PIK3CB: variants seen among roughly 807,000 people sequenced by gnomAD.
PIK3CB encodes the protein phosphatidylinositol 4,5-bisphosphate 3-kinase catalytic subunit beta isoform.
A neutral mutation model predicts 136.8 loss-of-function variants in PIK3CB; 39 were observed. The ratio of observed to expected loss-of-function variants is 0.29; its 90% CI spans 0.22 to 0.37. PIK3CB has a LOEUF of 0.37. Among genes scored for constraint, PIK3CB ranks in the 10% least tolerant of loss-of-function variants. The pLI, the probability that PIK3CB is intolerant of heterozygous loss-of-function variation, is 1.00. For synonymous variants in PIK3CB, 428 were observed against 436.6 expected (o/e 0.98, Z 0.25); for missense variants, 868 against 1,275.4 (o/e 0.68, Z 4.87).
At chr3:138,815,711 T>C (rs1933296238) in intron 1 of PIK3CB, among the ~76,000 whole-genome samples, 1 of 152,180 alleles carries the variant, frequency 6.6e-6, no homozygotes, top group Admixed American at 6.6e-5. Context: ...CTCTAGAACA[T>C]ACAGTAGTAC....
chr3:138,746,020 G>A (rs184462349), intron 4 of PIK3CB, among the ~76,000 whole-genome samples: 1 of 152,242 alleles, frequency 6.6e-6, no homozygotes, highest in African/African-American at 2.4e-5. Context: ...GCCGAGGTGG[G>A]AGGATTCCTT....
chr3:138,684,927 G>T, intron 16 of PIK3CB, 124 bp from the exon 17 acceptor site: 1 of 566,070 alleles, frequency 1.8e-6, no homozygotes, highest in East Asian at 3.2e-5. Flanking sequence ...CACATAACCA[G>T]CTGAAGTAAA....
At chr3:138,703,446 T>C (rs1239650393) in intron 12 of PIK3CB, among the ~76,000 whole-genome samples, 1 of 152,054 alleles carries the variant, frequency 6.6e-6, no homozygotes, top group African/African-American at 2.4e-5. Flanking sequence ...CTAAATAGAC[T>C]TAAAAGTTGT....
chr3:138,763,742 T>C (rs1352812003), intron 2 of PIK3CB, among the ~76,000 whole-genome samples: 2 of 152,196 alleles, frequency 1.3e-5, no homozygotes, highest in Non-Finnish European at 2.9e-5. Flanking sequence ...ACTCCCATCC[T>C]ATAGCATCAA....
At chr3:138,813,533 T>A (rs577274077) in intron 1 of PIK3CB, among the ~76,000 whole-genome samples, 64 of 150,474 alleles carry the variant, frequency 4.3e-4, no homozygotes, top group Non-Finnish European at 7.1e-4. Context: ...TTCTCCTGCC[T>A]CAGCCTCCCG....
chr3:138,686,216 A>T (rs1421705341), intron 16 of PIK3CB, among the ~76,000 whole-genome samples: 2 of 151,980 alleles, frequency 1.3e-5, no homozygotes, highest in Non-Finnish European at 2.9e-5. Context: ...AAGTGGGCGG[A>T]TCACTTGAGG....
intron 1 of PIK3CB, among the ~76,000 whole-genome samples, chr3:138,811,889 G>A (rs1405130536): frequency 6.6e-6 from 1 of 151,956 alleles, no homozygotes; most frequent in Non-Finnish European, 1.5e-5. Context: ...AGGAGTTCAA[G>A]ACCAGCCTGG....
At chr3:138,831,645 G>A (rs1215007828) in intron 1 of PIK3CB, among the ~76,000 whole-genome samples, 4 of 136,952 alleles carry the variant, frequency 2.9e-5, no homozygotes, top group Non-Finnish European at 4.8e-5. Flanking sequence ...TATTTATTGG[G>A]GCCAGGCACA....
At chr3:138,737,486 A>C (rs1337390604) in intron 6 of PIK3CB, among the ~76,000 whole-genome samples, 3 of 151,036 alleles carry the variant, frequency 2.0e-5, no homozygotes, top group South Asian at 2.1e-4. Flanking sequence ...GCTAAAATAC[A>C]AACATAACTG....
At chr3:138,833,997 A>G (rs1934159257) in intron 1 of PIK3CB, among the ~76,000 whole-genome samples, 2 of 152,216 alleles carry the variant, frequency 1.3e-5, no homozygotes, top group Admixed American at 6.5e-5. Flanking sequence ...AAGCAACTCC[A>G]GTATCGGTTA....
In PIK3CB at chr3:138,714,731, C is replaced by A; in HGVS notation, c.1051-12G>T. 2 of 1,564,096 alleles carry A rather than the reference C, an allele frequency of 1.3e-6. No homozygotes were observed. The highest frequency in any genetic ancestry group is 2.1e-5 in the Admixed American group (1 of 48,062). On this transcript the variant is annotated splice_polypyrimidine_tract_variant and intron_variant, in intron 8 of 23. Coordinates refer to ENST00000674063, the MANE Select transcript of PIK3CB (RefSeq NM_006219.3). ...GCCCTGACATGAACCTGTAACGAAG[C>A]AGACAAAAACAAAAACAAAGTCATG... is the stretch of plus-strand genomic sequence containing the variant.
intron 2 of PIK3CB, among the ~76,000 whole-genome samples, chr3:138,769,799 G>A (rs2045778139): frequency 6.6e-6 from 1 of 152,084 alleles, no homozygotes; most frequent in Non-Finnish European, 1.5e-5. Context: ...TATTTTATAG[G>A]ACTACACAAA....
intron 2 of PIK3CB, among the ~76,000 whole-genome samples, chr3:138,779,578 A>G (rs973414881): frequency 6.6e-6 from 1 of 151,370 alleles, no homozygotes; most frequent in Non-Finnish European, 1.5e-5. Context: ...TTTTTGGTAG[A>G]CGTGGGGTTT....
chr3:138,789,047 G>A lies in PIK3CB; in HGVS notation c.-17+7416C>T, dbSNP rs141330593. Reference sequence around the variant, plus strand: ...TATAAAACCAAACCCAGGCAAGGCTGTGGAGAAACTGGAAATCTTGTGTAT... The same window carrying A: ...TATAAAACCAAACCCAGGCAAGGCTATGGAGAAACTGGAAATCTTGTGTAT... On this transcript the variant is annotated intron_variant, in intron 2 of 23. Coordinates refer to ENST00000674063, the MANE Select transcript of PIK3CB (RefSeq NM_006219.3). Among the ~76,000 whole-genome samples the A allele has an allele frequency of 3.7e-3, 563 of 150,836 alleles. 5 individuals are homozygous for A. The highest frequency in any genetic ancestry group is 0.013 in the African/African-American group (538 of 40,872).
chr3:138,832,338 A>G (rs1177130578), intron 1 of PIK3CB, among the ~76,000 whole-genome samples: 1 of 152,086 alleles, frequency 6.6e-6, no homozygotes, highest in Non-Finnish European at 1.5e-5. Context: ...TGTAAATTAG[A>G]TTTTTGCTTC....
At chr3:138,666,016 C>G (rs1416691863) in intron 19 of PIK3CB, among the ~76,000 whole-genome samples, 1 of 152,184 alleles carries the variant, frequency 6.6e-6, no homozygotes, top group Non-Finnish European at 1.5e-5. Context: ...AAGGACTAGT[C>G]ATCTGTCAGA....
intron 2 of PIK3CB, among the ~76,000 whole-genome samples, chr3:138,762,723 C>G (rs747375868): frequency 6.6e-6 from 1 of 151,954 alleles, no homozygotes; most frequent in African/African-American, 2.4e-5. Context: ...TTTGGGAAGC[C>G]GAAGCAAGTG....
intron 2 of PIK3CB, among the ~76,000 whole-genome samples, chr3:138,786,323 G>C (rs1267885545): frequency 6.6e-6 from 1 of 151,992 alleles, no homozygotes; most frequent in South Asian, 2.1e-4. Flanking sequence ...TGAATAAAAA[G>C]TTTAGGTCCT....
At chr3:138,804,923 G>A (rs1253527018) in intron 1 of PIK3CB, among the ~76,000 whole-genome samples, 1 of 152,136 alleles carries the variant, frequency 6.6e-6, no homozygotes, top group Non-Finnish European at 1.5e-5. Flanking sequence ...TACTCGGAAA[G>A]CTGAGGCAGG....
Sources: allele counts gnomAD v4.1 joint callset (sites outside exome capture counted in the v4.1 genomes callset), GRCh38; gene constraint gnomAD v4.1.1; transcripts MANE v1.5; gene names NCBI Gene and HGNC (gene_info 2026-07-23, HGNC 2026-07-21).